Variants in UBE2V1 observed in about 807,000 individuals in gnomAD.
UBE2V1 encodes the protein ubiquitin-conjugating enzyme E2 variant 1.
UBE2V1 carries 15 observed loss-of-function variants against 19.6 expected under a neutral mutation model. The ratio of observed to expected loss-of-function variants is 0.77; its 90% confidence interval spans 0.51 to 1.18. UBE2V1 has a LOEUF of 1.18. UBE2V1 is among the 50% of genes most tolerant of loss of function. UBE2V1 has a pLI of 0.00. For synonymous variants in UBE2V1, 60 were observed against 60.7 expected, an observed-to-expected ratio of 0.99 and a Z score of 0.05; for missense variants, 125 against 184.8, an observed-to-expected ratio of 0.68 and a Z score of 1.88.
Position 50,098,600 on chromosome 20 carries a change from C to A in UBE2V1, c.23-1780G>T, listed in dbSNP as rs116298417. 7.1e-3 allele frequency among the ~76,000 whole-genome samples: 1,082 copies of A among 152,250 alleles called. 15 individuals carry two copies. Among genetic ancestry groups the A allele is most frequent in the African/African-American group, 0.02 (842 of 41,546 alleles). ...AGGTGTGAGAGACAAGAGTCAACTA[C>A]AGCTCCCAGGTTTTTGGTCCAAGCA... is the stretch of plus-strand genomic sequence containing the variant. On this transcript the variant is annotated intron_variant, in intron 1 of 3. Coordinates refer to ENST00000371674, the MANE Select transcript of UBE2V1 (RefSeq NM_001032288.3).
At chr20:50,106,966 G>A (rs1309538310) in intron 1 of UBE2V1, among the ~76,000 whole-genome samples, 6 of 152,246 alleles carry the variant, frequency 3.9e-5, no homozygotes, top group Middle Eastern at 6.8e-3. Context: ...CCCATTCAGG[G>A]AAGACAGTGA....
At chr20:50,099,967 G>A (rs1312851831) in intron 1 of UBE2V1, among the ~76,000 whole-genome samples, 3 of 152,058 alleles carry the variant, frequency 2.0e-5, no homozygotes, top group African/African-American at 7.2e-5. Context: ...GCATGGTGGT[G>A]CCCACCTGTA....
chr20:50,098,004 T>C (rs1279734881), intron 1 of UBE2V1, among the ~76,000 whole-genome samples: 1 of 152,206 alleles, frequency 6.6e-6, no homozygotes, highest in Non-Finnish European at 1.5e-5. Flanking sequence ...GCTTACATTC[T>C]AGTAGAAGAC....
At chr20:50,090,558 C>T (rs2079160671) in intron 2 of UBE2V1, among the ~76,000 whole-genome samples, 2 of 151,356 alleles carry the variant, frequency 1.3e-5, no homozygotes, top group Admixed American at 1.3e-4. Flanking sequence ...ATCAGCCAGA[C>T]ACAGAAAGAC....
Position 50,082,770 on chromosome 20 carries a change from A to C in UBE2V1, c.442T>G (p.Ter148GluextTer24). Residue 148 changes from the stop codon to glutamate (E), a stop_lost, in exon 4 of 4, where the codon TAA becomes GAA. Transcript: ENST00000371674. ...QPPEGQCYSN[*>E] The stretch of plus-strand genomic sequence containing the variant: ...GGGCCTGTGGTTTTTCTTTTTGATT[A>C]ATTGCTGTAACACTGTCCTTCGGGC... The C allele has an allele frequency of 6.2e-7, 1 of 1,610,468 alleles. No homozygotes were observed. The highest frequency in any genetic ancestry group is 8.5e-7 in the Non-Finnish European group (1 of 1,179,544).
upstream of UBE2V1, among the ~76,000 whole-genome samples, chr20:50,113,393 G>A (rs2080906736): frequency 6.6e-6 from 1 of 152,250 alleles, no homozygotes; most frequent in Admixed American, 6.5e-5. Context: ...AAGGGCAGGG[G>A]TGACTAGGCT....
intron 1 of UBE2V1, among the ~76,000 whole-genome samples, chr20:50,105,779 A>G (rs1459539510): frequency 6.6e-6 from 1 of 152,094 alleles, no homozygotes; most frequent in East Asian, 1.9e-4. Flanking sequence ...AAAATACAAA[A>G]ATTAGCCAGT....
chr20:50,093,385 C>G (rs987375925), intron 2 of UBE2V1, among the ~76,000 whole-genome samples: 1 of 152,166 alleles, frequency 6.6e-6, no homozygotes, highest in Non-Finnish European at 1.5e-5. Flanking sequence ...TGTGGATATT[C>G]GAGTTACACA....
intron 1 of UBE2V1, 30 bp from the exon 2 acceptor site, chr20:50,096,850 C>G: frequency 6.2e-7 from 1 of 1,612,828 alleles, no homozygotes; most frequent in Non-Finnish European, 8.5e-7. Flanking sequence ...ATTCAAGATA[C>G]CAGCAACTCC....
intron 1 of UBE2V1, among the ~76,000 whole-genome samples, chr20:50,099,170 C>T (rs755575692): frequency 6.6e-6 from 1 of 152,022 alleles, no homozygotes; most frequent in African/African-American, 2.4e-5. Flanking sequence ...GATAGGAAGG[C>T]TGATGACTGA....
At chr20:50,111,318 G>A in intron 1 of UBE2V1, 1 of 992,966 alleles carries the variant, frequency 1.0e-6, no homozygotes, top group Non-Finnish European at 1.2e-6. Context: ...GGAGAAGTTA[G>A]AACCGGGCAG....
chr20:50,102,815 G>A (rs1248223918), intron 1 of UBE2V1, among the ~76,000 whole-genome samples: 2 of 152,128 alleles, frequency 1.3e-5, no homozygotes, highest in African/African-American at 2.4e-5. Context: ...CACCTGCTTC[G>A]CCAACATCAT....
At chr20:50,096,584 T>C (rs753754534) in intron 2 of UBE2V1, 88 bp downstream of exon 2, 7 of 1,601,270 alleles carry the variant, frequency 4.4e-6, no homozygotes, top group Non-Finnish European at 5.1e-6. Flanking sequence ...ATTGGTGAGC[T>C]TTTTTTCCGT....
chr20:50,094,125 ATAT>A, intron 2 of UBE2V1, among the ~76,000 whole-genome samples: 1 of 71,572 alleles, frequency 1.4e-5, no homozygotes, highest in East Asian at 3.7e-4. Context: ...AATATATTAT[ATAT>A]TATAATTATA....
At position 50,082,020 on chromosome 20, in the gene UBE2V1, T is replaced by C. The variant is rs2078664097; in HGVS notation, c.*748A>G. ...AAGCAAGGAAGTGTCATGGAAGGTG[T>C]TGGGTGGTGACGGTGCAAAAAGGAA... On this transcript the variant is annotated 3_prime_UTR_variant, in exon 4 of 4. Coordinates refer to ENST00000371674, the MANE Select transcript of UBE2V1 (RefSeq NM_001032288.3). 9.8e-6 allele frequency: 2 copies of C among 204,564 alleles called. No individual in the cohort carries two copies. Among genetic ancestry groups the C allele is most frequent in the African/African-American group, 2.3e-5 (1 of 42,980 alleles). The allele number at this position is 204,564 out of a possible 1,614,324, so 12.7% of individuals were successfully genotyped here.
At chr20:50,085,815 A>G (rs2078881581) in intron 2 of UBE2V1, among the ~76,000 whole-genome samples, 1 of 152,176 alleles carries the variant, frequency 6.6e-6, no homozygotes, top group South Asian at 2.1e-4. Context: ...TCAGTGAATG[A>G]CATCAGCATC....
intron 1 of UBE2V1, among the ~76,000 whole-genome samples, chr20:50,102,832 C>T (rs112554147): frequency 2.3e-3 from 349 of 152,298 alleles, no homozygotes; most frequent in Non-Finnish European, 4.0e-3. Context: ...TCATTTTGTG[C>T]CACTCTGCCT....
intron 2 of UBE2V1, among the ~76,000 whole-genome samples, chr20:50,090,894 C>T (rs2079178835): frequency 6.6e-6 from 1 of 152,168 alleles, no homozygotes; most frequent in Admixed American, 6.5e-5. Flanking sequence ...AATCATCACA[C>T]TGTATACCTT....
intron 1 of UBE2V1, 107 bp from the exon 2 acceptor site, chr20:50,096,927 C>CA (rs548184523): frequency 5.3e-6 from 8 of 1,520,862 alleles, no homozygotes; most frequent in East Asian, 2.3e-5. Flanking sequence ...TGCTAACATG[C>CA]AAAAAAATCA....
Sources: allele counts gnomAD v4.1 joint callset (sites outside exome capture counted in the v4.1 genomes callset), GRCh38; gene constraint gnomAD v4.1.1; transcripts MANE v1.5; gene names NCBI Gene and HGNC (gene_info 2026-07-23, HGNC 2026-07-21).